Variants in NEDD9 observed in about 807,000 individuals in gnomAD.
NEDD9 encodes neural precursor cell expressed, developmentally down-regulated 9.
A neutral mutation model predicts 76.6 loss-of-function variants in NEDD9; 26 were observed. The observed-to-expected ratio is 0.34, with a 90% CI of 0.25 to 0.47. NEDD9 has a LOEUF of 0.47. NEDD9 is among the 20% of genes least tolerant of loss of function. The pLI is 1.00. For missense variants in NEDD9, 937 were observed against 1,058.5 expected (o/e 0.89, Z 1.59); for synonymous variants, 392 against 414.2 (o/e 0.95, Z 0.65).
chr6:11,375,085 A>G (rs559707484), intron 1 of NEDD9, among the ~76,000 whole-genome samples: 2 of 152,180 alleles, frequency 1.3e-5, no homozygotes, highest in African/African-American at 4.8e-5. Context: ...TTTGGTGGCA[A>G]TTGTGCCTTC....
chr6:11,191,272 T>C (rs1254721341), intron 4 of NEDD9, 67 bp from the exon 5 acceptor site: 25 of 1,479,232 alleles, frequency 1.7e-5, no homozygotes, highest in Admixed American at 2.2e-5. Flanking sequence ...TGGTCCCATG[T>C]GCTCAGTCCT....
At chr6:11,208,429 A>T (rs1758674007) in intron 2 of NEDD9, among the ~76,000 whole-genome samples, 1 of 152,212 alleles carries the variant, frequency 6.6e-6, no homozygotes, top group Admixed American at 6.5e-5. Context: ...CTCTCATACC[A>T]GATGGTAATG....
rs547676229 is a variant in NEDD9, at chr6:11,185,067, A to G, written c.*95T>C. 2 of 1,352,526 alleles carry G rather than the reference A, an allele frequency of 1.5e-6. No individual in the cohort carries two copies. The highest frequency in any genetic ancestry group is 2.4e-5 in the Admixed American group (1 of 41,210). The allele number at this position is 1,352,526 out of a possible 1,614,324, so 83.8% of individuals were successfully genotyped here. ...AAAATATTTCATTTTTATATAAAATATCTACAAAAATAGATAACATTTACA... is the reference window on the plus strand; with the variant it reads ...AAAATATTTCATTTTTATATAAAATGTCTACAAAAATAGATAACATTTACA... On this transcript the variant is annotated 3_prime_UTR_variant, in exon 7 of 7. Transcript: ENST00000379446.
chr6:11,346,533 A>G (rs546763396), intron 1 of NEDD9, among the ~76,000 whole-genome samples: 1 of 151,802 alleles, frequency 6.6e-6, no homozygotes, highest in Non-Finnish European at 1.5e-5. Context: ...AATAAACCCA[A>G]TTATGATGGA....
At chr6:11,239,461 A>C (rs1418310031) in intron 3 of NEDD9, among the ~76,000 whole-genome samples, 2 of 152,212 alleles carry the variant, frequency 1.3e-5, no homozygotes, top group African/African-American at 4.8e-5. Context: ...ACTTCTCAGA[A>C]GGCAAGGGAA....
intron 2 of NEDD9, among the ~76,000 whole-genome samples, chr6:11,331,610 G>A (rs1762039564): frequency 1.3e-5 from 2 of 152,198 alleles, no homozygotes; most frequent in Admixed American, 6.5e-5. Flanking sequence ...GATGTTTAAA[G>A]CTAATCTCAT....
At chr6:11,317,549 C>A (rs940108664) in intron 2 of NEDD9, among the ~76,000 whole-genome samples, 11 of 151,906 alleles carry the variant, frequency 7.2e-5, no homozygotes, top group African/African-American at 2.4e-4. Flanking sequence ...ACACAAAGAA[C>A]AGAGGAAAGA....
chr6:11,254,534 T>C (rs1759967983), intron 3 of NEDD9, among the ~76,000 whole-genome samples: 1 of 152,262 alleles, frequency 6.6e-6, no homozygotes, highest in South Asian at 2.1e-4. Context: ...GTTACATAAA[T>C]ACATTCTTTG....
At chr6:11,233,726 G>T (rs1330438532), upstream of NEDD9, among the ~76,000 whole-genome samples, 3 of 152,158 alleles carry the variant, frequency 2.0e-5, no homozygotes, top group Non-Finnish European at 4.4e-5. Flanking sequence ...AAACAGAAAT[G>T]GTCACCTTCT....
intron 1 of NEDD9, among the ~76,000 whole-genome samples, chr6:11,369,408 A>G (rs1762820828): frequency 1.3e-5 from 2 of 152,236 alleles, no homozygotes; most frequent in African/African-American, 4.8e-5. Context: ...TAAGTAAAAT[A>G]ATCTTAAAAA....
intron 1 of NEDD9, among the ~76,000 whole-genome samples, chr6:11,350,584 CAG>C (rs1298998999): frequency 6.6e-6 from 1 of 152,242 alleles, no homozygotes; most frequent in Admixed American, 6.5e-5. Flanking sequence ...AGCAGAAATA[CAG>C]ACTCACAGAC....
rs138686882 is a variant in NEDD9, at chr6:11,213,620, C to T, written c.120G>A (p.Leu40=). 626 of 1,614,224 alleles carry T rather than the reference C, an allele frequency of 3.9e-4. 2 individuals are homozygous for T. The African/African-American group carries it at 7.6e-3, about 19-fold the overall frequency. Residue 40 remains leucine, a synonymous_variant, in exon 2 of 7, where the codon CTG becomes CTA. Coordinates refer to ENST00000379446, the MANE Select transcript of NEDD9 (RefSeq NM_006403.4). This position sits in a 1 kb window ranked among gnomAD's most constrained non-coding sequence, Gnocchi z 5.4. The part of the protein sequence containing the change: ...LTVIEQNTGG[L]EGWWLCSLHG... ...GTAATGAGCACAGCCACCATCCTTCCAGTCCCCCTGTGTTCTGCTCTATGA... is the reference window on the plus strand; with the variant it reads ...GTAATGAGCACAGCCACCATCCTTCTAGTCCCCCTGTGTTCTGCTCTATGA...
At position 11,370,660 on chromosome 6, in the gene NEDD9, A is replaced by T. The variant is rs145180146; in HGVS notation, c.-214+11479T>A. Among the ~76,000 whole-genome samples the T allele has an allele frequency of 6.6e-6, 1 of 152,180 alleles. No homozygotes were observed. The highest frequency in any genetic ancestry group is 1.9e-4 in the East Asian group (1 of 5,172). ...AGAGCTTCTTTCCCTGCCTGGTAGC[A>T]CCCGTCCCTCACGCTCACTGGATGA... On this transcript the variant is annotated intron_variant, in intron 1 of 3. Coordinates refer to the NEDD9 transcript ENST00000397378. This position sits in a 1 kb window ranked among gnomAD's most constrained non-coding sequence, Gnocchi z 4.2.
intron 1 of NEDD9, among the ~76,000 whole-genome samples, chr6:11,379,260 T>C (rs1309274986): frequency 1.4e-5 from 2 of 143,102 alleles, no homozygotes; most frequent in Non-Finnish European, 3.0e-5. Context: ...CTGTGTGCTG[T>C]CAGGACTGTC....
chr6:11,264,001 A>G (rs1230189436), intron 3 of NEDD9, among the ~76,000 whole-genome samples: 2 of 152,070 alleles, frequency 1.3e-5, no homozygotes, highest in Admixed American at 6.5e-5. Context: ...TAATTCCTCT[A>G]TGTCTCAGTG....
intron 1 of NEDD9, among the ~76,000 whole-genome samples, chr6:11,368,755 GT>G (rs1205329749): frequency 6.6e-6 from 1 of 152,080 alleles, no homozygotes; most frequent in East Asian, 1.9e-4. Context: ...AAGCCTTTGG[GT>G]TTTGTTTTTT....
At chr6:11,212,921 G>C (rs900116682) in intron 2 of NEDD9, among the ~76,000 whole-genome samples, 1 of 152,210 alleles carries the variant, frequency 6.6e-6, no homozygotes, top group African/African-American at 2.4e-5. Context: ...TTTGGTGTTT[G>C]TTCCACTCAA....
chr6:11,294,168 T>C (rs1760840755), intron 3 of NEDD9, among the ~76,000 whole-genome samples: 1 of 152,210 alleles, frequency 6.6e-6, no homozygotes, highest in African/African-American at 2.4e-5. Flanking sequence ...GAGGTACTGA[T>C]TTCATTTCCT....
intron 1 of NEDD9, among the ~76,000 whole-genome samples, chr6:11,348,845 A>C (rs1762410692): frequency 6.6e-6 from 1 of 152,344 alleles, no homozygotes; most frequent in Non-Finnish European, 1.5e-5. Context: ...AGGCAATACC[A>C]TTCTGGGCTT....
Sources: gnomAD v4.1 joint callset for allele counts (sites outside exome capture counted in the v4.1 genomes callset) on GRCh38, gnomAD v4.1.1 for gene constraint, Gnocchi (gnomAD v3.1) non-coding constraint, MANE v1.5 for transcripts, NCBI Gene and HGNC (gene_info 2026-07-23, HGNC 2026-07-21) for gene names.